The following PCYOX1L variants were observed in gnomAD, a reference collection of about 807,000 sequenced individuals.
PCYOX1L encodes the protein prenylcysteine oxidase 1 like.
In PCYOX1L, 40 loss-of-function variants were observed where a neutral mutation model predicts 44.1. The observed-to-expected ratio is 0.91, with a 90% CI of 0.70 to 1.18. The LOEUF (loss-of-function observed/expected upper bound fraction) is 1.18. Among genes scored for constraint, PCYOX1L ranks in the 50% most tolerant of loss-of-function variants. The pLI is 0.00. For synonymous variants in PCYOX1L, 266 were observed against 282.8 expected (o/e 0.94, Z 0.60); for missense variants, 605 against 653.3 (o/e 0.93, Z 0.81).
In PCYOX1L at chr5:149,365,928, T is replaced by C. The variant is rs1205981770; in HGVS notation, c.471-14T>C. On this transcript the variant is annotated splice_polypyrimidine_tract_variant and intron_variant, in intron 3 of 5. Transcript: ENST00000274569. Reference sequence around the variant, plus strand: ...CCTTCCTGCACAAGGACTCCAGCTCTATGTGTCTTCTAGGATCTATAAGTA... The same window carrying C: ...CCTTCCTGCACAAGGACTCCAGCTCCATGTGTCTTCTAGGATCTATAAGTA... 1.2e-6 allele frequency: 2 copies of C among 1,613,930 alleles called. No homozygotes were observed. Among genetic ancestry groups the C allele is most frequent in the Admixed American group, 3.3e-5 (2 of 60,024 alleles).
Position 149,360,513 on chromosome 5 carries a change from C to CT in PCYOX1L, c.89-2123dup, listed in dbSNP as rs570879596. Among the ~76,000 whole-genome samples the CT allele has an allele frequency of 1.3e-4, 20 of 152,310 alleles. No individual in the cohort carries two copies. The South Asian group carries it at 3.9e-3, about 30-fold the overall frequency. On this transcript the variant is annotated intron_variant, in intron 1 of 5. Coordinates refer to ENST00000274569, the MANE Select transcript of PCYOX1L (RefSeq NM_024028.4). ...ACACAGAAAAAATACTTCATGAACT[C>CT]TACTGTCCACCAGGATCTGGGGACA...
Position 149,368,346 on chromosome 5 carries a change from G to A in PCYOX1L, c.1177G>A (p.Val393Ile). Residue 393 changes from valine to isoleucine, a missense_variant, in exon 6 of 6, where the codon GTT (valine) becomes ATT (isoleucine). Coordinates refer to ENST00000274569, the MANE Select transcript of PCYOX1L (RefSeq NM_024028.4). ...FRRKQPQEAA[V>I]WRVQSPKPLF... ...GCGAAAGCAGCCCCAGGAGGCAGCT[G>A]TTTGGCGAGTCCAGTCCCCCAAGCC... 1 of 1,614,210 alleles carries A rather than the reference G, an allele frequency of 6.2e-7. No homozygotes were observed.
At chr5:149,362,106 C>T (rs1758025800) in intron 1 of PCYOX1L, 1 of 158,930 alleles carries the variant, frequency 6.3e-6, no homozygotes, top group African/African-American at 2.4e-5. Flanking sequence ...AAAATGAAAA[C>T]AGTCATAGAC....
intron 1 of PCYOX1L, among the ~76,000 whole-genome samples, chr5:149,361,769 C>T (rs1216104556): frequency 1.3e-5 from 2 of 152,212 alleles, no homozygotes; most frequent in Non-Finnish European, 2.9e-5. Flanking sequence ...GCTGGGATTG[C>T]AGGCATGCGC....
chr5:149,365,994 C>T lies in PCYOX1L; in HGVS notation c.523C>T (p.Leu175Phe). ...TGCCTTCTCGGGTGTGGAGGAGCTG[C>T]TCTACTCACTGGGGGAGTCCACCTT... ...GYAFSGVEEL[L>F]YSLGESTFVN... The change falls in exon 4 of 6, where the codon CTC (leucine) becomes TTC (phenylalanine). Residue 175 changes from leucine to phenylalanine, a missense_variant. Transcript: ENST00000274569. 1 of 1,614,246 alleles carries T rather than the reference C, an allele frequency of 6.2e-7. No homozygotes were observed. Among genetic ancestry groups the T allele is most frequent in the Non-Finnish European group, 8.5e-7 (1 of 1,180,042 alleles).
At chr5:149,358,493 G>A (rs1262734513) in intron 1 of PCYOX1L, among the ~76,000 whole-genome samples, 2 of 152,228 alleles carry the variant, frequency 1.3e-5, no homozygotes, top group African/African-American at 4.8e-5. Flanking sequence ...CTGGGCGATG[G>A]CATTCACAGA....
At chr5:149,359,133 G>A (rs1473477288) in intron 1 of PCYOX1L, among the ~76,000 whole-genome samples, 1 of 151,644 alleles carries the variant, frequency 6.6e-6, no homozygotes, top group Non-Finnish European at 1.5e-5. Flanking sequence ...TCCCTCACAC[G>A]TGATATTCCC....
chr5:149,363,078 C>T (rs531954304), intron 2 of PCYOX1L: 173 of 666,472 alleles, frequency 2.6e-4, no homozygotes, highest in African/African-American at 1.9e-3. Context: ...GTTTCTTTCC[C>T]TTTCAATTTG....
rs750959517 is a variant in PCYOX1L, at chr5:149,368,403, C to T, written c.1234C>T (p.Arg412Cys). ...LFRTQLKTLF[R>C]SYYSVQTAEW... The stretch of plus-strand genomic sequence containing the variant: ...TCGGACCCAGCTAAAGACCCTGTTC[C>T]GTTCCTATTACTCAGTGCAGACAGC... Residue 412 changes from arginine to cysteine, a missense_variant, in exon 6 of 6, where the codon CGT becomes TGT. Coordinates refer to ENST00000274569, the MANE Select transcript of PCYOX1L (RefSeq NM_024028.4). 9 of 1,614,082 alleles carry T rather than the reference C, an allele frequency of 5.6e-6. No individual in the cohort carries two copies. The highest frequency in any genetic ancestry group is 2.2e-5 in the South Asian group (2 of 91,088).
chr5:149,367,057 C>T (rs1758234779), intron 4 of PCYOX1L, among the ~76,000 whole-genome samples: 1 of 152,196 alleles, frequency 6.6e-6, no homozygotes, highest in Admixed American at 6.5e-5. Flanking sequence ...CCCGGCCTCC[C>T]AGCCCTGGGC....
Position 149,369,641 on chromosome 5 carries a change from C to A in PCYOX1L, c.*987C>A, listed in dbSNP as rs1463765248. The A allele has an allele frequency of 6.6e-6, 1 of 152,196 alleles. No individual in the cohort carries two copies. The highest frequency in any genetic ancestry group is 1.5e-5 in the Non-Finnish European group (1 of 68,024). 9.4% of individuals were successfully genotyped at this position (152,196 alleles called of 1,614,324 possible). ...ACTTGTTTTAAAAAGAAAGTAAAAG[C>A]CCTTTTCATTCCTTTTGGACCTGTT... On this transcript the variant is annotated 3_prime_UTR_variant, in exon 6 of 6. Transcript: ENST00000274569.
chr5:149,366,690 T>C (rs912081802), intron 4 of PCYOX1L, among the ~76,000 whole-genome samples: 4 of 152,212 alleles, frequency 2.6e-5, no homozygotes, highest in African/African-American at 9.7e-5. Flanking sequence ...ACTGGGTATA[T>C]TTTTGTTAAA....
Position 149,366,038 on chromosome 5 carries a change from C to T in PCYOX1L, c.567C>T (p.His189=), listed in dbSNP as rs1004808303. Residue 189 remains histidine (H), a synonymous_variant, in exon 4 of 6, where the codon CAC becomes CAT. Transcript: ENST00000274569. Reference sequence around the variant, plus strand: ...CCACCTTTGTTAACATGACCCAGCACTCTGTGGCTGAGTCCCTGCTGCAGG... The same window carrying T: ...CCACCTTTGTTAACATGACCCAGCATTCTGTGGCTGAGTCCCTGCTGCAGG... ...GESTFVNMTQ[H]SVAESLLQVG... 1 of 1,614,252 alleles carries T rather than the reference C, an allele frequency of 6.2e-7. No individual in the cohort carries two copies. Among genetic ancestry groups the T allele is most frequent in the Non-Finnish European group, 8.5e-7 (1 of 1,180,038 alleles).
chr5:149,359,156 C>A (rs1757937801), intron 1 of PCYOX1L, among the ~76,000 whole-genome samples: 1 of 152,014 alleles, frequency 6.6e-6, no homozygotes, highest in African/African-American at 2.4e-5. Context: ...AGGCAGAGAT[C>A]CTGGGCTTCG....
intron 1 of PCYOX1L, among the ~76,000 whole-genome samples, chr5:149,361,528 C>T (rs751754754): frequency 3.2e-4 from 48 of 152,300 alleles, no homozygotes; most frequent in Middle Eastern, 3.4e-3. Context: ...ACAGTAAAGA[C>T]AGTGTATGAT....
At chr5:149,359,194 C>A (rs1757938885) in intron 1 of PCYOX1L, among the ~76,000 whole-genome samples, 1 of 152,186 alleles carries the variant, frequency 6.6e-6, no homozygotes, top group African/African-American at 2.4e-5. Context: ...CTCTATTCCG[C>A]TAGGCCACTC....
At position 149,369,097 on chromosome 5, in the gene PCYOX1L, A is replaced by C. The variant is rs1172838658; in HGVS notation, c.*443A>C. ...AAACATTTACAACCAGATGGTTACAAATAAAGTAGAAGGGAAGATCAGAAA... is the reference window on the plus strand; with the variant it reads ...AAACATTTACAACCAGATGGTTACACATAAAGTAGAAGGGAAGATCAGAAA... On this transcript the variant is annotated 3_prime_UTR_variant, in exon 6 of 6. Transcript: ENST00000274569. 1.3e-5 allele frequency: 2 copies of C among 153,382 alleles called. No homozygotes were observed. Among genetic ancestry groups the C allele is most frequent in the African/African-American group, 4.8e-5 (2 of 41,488 alleles). 9.5% of individuals were successfully genotyped at this position (153,382 alleles called of 1,614,324 possible). A position where few individuals can be genotyped will look rare whatever the true frequency, so the allele number is the denominator to read the frequency against.
chr5:149,367,629 G>T, intron 5 of PCYOX1L, 129 bp downstream of exon 5: 1 of 1,317,762 alleles, frequency 7.6e-7, no homozygotes, highest in African/African-American at 1.5e-5. Flanking sequence ...GCATTGAGAA[G>T]CCCCAACCCT....
In PCYOX1L at chr5:149,358,294, G is replaced by A. The variant is rs865909681; in HGVS notation, c.88+138G>A. 2.7e-5 allele frequency: 33 copies of A among 1,227,880 alleles called. No homozygotes were observed. The Middle Eastern group carries it at 1.3e-3, about 47-fold the overall frequency. 76.1% of individuals were successfully genotyped at this position (1,227,880 alleles called of 1,614,324 possible). On this transcript the variant is annotated intron_variant, in intron 1 of 5. Transcript: ENST00000274569. ...GGAAAAGGAGCTGGGTGGAGGAGAG[G>A]CGCCGAAGGGGACGCGGCAGGGAAG...
Sources: gnomAD v4.1 joint callset for allele counts (sites outside exome capture counted in the v4.1 genomes callset) on GRCh38, gnomAD v4.1.1 for gene constraint, MANE v1.5 for transcripts, NCBI Gene and HGNC (gene_info 2026-07-23, HGNC 2026-07-21) for gene names.